The following H2BC12 variants were observed in gnomAD, a reference collection of about 807,000 sequenced individuals.
The protein encoded by H2BC12 is H2B clustered histone 12.
A neutral mutation model predicts 6.3 loss-of-function variants in H2BC12; 6 were observed. The ratio of observed to expected loss-of-function variants is 0.95; its 90% CI spans 0.52 to 1.87. The LOEUF (loss-of-function observed/expected upper bound fraction) is 1.87. Ranked by LOEUF, H2BC12 falls within the 40% of genes most tolerant of loss-of-function variation. The pLI, the probability that H2BC12 is intolerant of heterozygous loss-of-function variation, is 0.01. For missense variants in H2BC12, 119 were observed against 178.4 expected (o/e 0.67, Z 1.90); for synonymous variants, 132 against 78.5 (o/e 1.68, Z -3.60).
downstream of H2BC12, among the ~76,000 whole-genome samples, chr6:27,145,295 TACACACACACACACACACACACACACAC>T (rs57882884): frequency 1.1e-4 from 15 of 142,724 alleles, no homozygotes; most frequent in South Asian, 2.7e-3. Flanking sequence ...ATATGTTAAA[TACACACACACACACACACACACACACAC>T]ACACACACAC....
downstream of H2BC12, among the ~76,000 whole-genome samples, chr6:27,142,478 G>A (rs781419767): frequency 6.6e-6 from 1 of 151,552 alleles, no homozygotes; most frequent in Non-Finnish European, 1.5e-5. Flanking sequence ...TGGCCAGGCT[G>A]GTCTTGAACT....
downstream of H2BC12, among the ~76,000 whole-genome samples, chr6:27,143,183 C>T (rs1008901546): frequency 6.6e-6 from 1 of 151,900 alleles, no homozygotes. Flanking sequence ...GAAATCCCAT[C>T]TCTACTAAAA....
chr6:27,138,719 G>A, the H2BC12 span: 1 of 152,138 alleles, frequency 6.6e-6, no homozygotes, highest in Admixed American at 6.5e-5. Flanking sequence ...AAGTTAGAGG[G>A]ACCTTGATTC....
rs777081728 is a variant in H2BC12, at chr6:27,146,843, A to C, written c.-45T>G. 2 of 1,600,574 alleles carry C rather than the reference A, an allele frequency of 1.2e-6. No individual in the cohort carries two copies. Among genetic ancestry groups the C allele is most frequent in the Non-Finnish European group, 1.7e-6 (2 of 1,173,834 alleles). On this transcript the variant is annotated 5_prime_UTR_variant, in exon 1 of 1. Transcript: ENST00000356950. ...CCTGAGACGAGCAGCAGATCGAGAAAACGGGAAGTAATGGGAGCAAGGTAC... is the reference window on the plus strand; with the variant it reads ...CCTGAGACGAGCAGCAGATCGAGAACACGGGAAGTAATGGGAGCAAGGTAC...
At chr6:27,143,211 G>T (rs2021278), downstream of H2BC12, among the ~76,000 whole-genome samples, 1 of 151,980 alleles carries the variant, frequency 6.6e-6, no homozygotes, top group Non-Finnish European at 1.5e-5. Context: ...AACTAGCCAG[G>T]CATGGTGGTG....
At chr6:27,145,458 T>C (rs1464857050), downstream of H2BC12, among the ~76,000 whole-genome samples, 3 of 152,134 alleles carry the variant, frequency 2.0e-5, no homozygotes, top group Non-Finnish European at 2.9e-5. Flanking sequence ...TTCACACTGC[T>C]CATCACCGGC....
rs1466927250 is a variant in H2BC12, at chr6:27,146,760, C to T, written c.39G>A (p.Lys13=). ...CCTTAGTCACGGCTTTCTTCGAGCCCTTCTTGGGCGCGGGAGCGGACTTCG... is the reference window on the plus strand; with the variant it reads ...CCTTAGTCACGGCTTTCTTCGAGCCTTTCTTGGGCGCGGGAGCGGACTTCG... ...EPAKSAPAPK[K]GSKKAVTKAQ... Residue 13 remains lysine (K), a synonymous_variant, in exon 1 of 1, where the codon AAG becomes AAA. Transcript: ENST00000356950. The T allele has an allele frequency of 5.0e-6, 8 of 1,614,212 alleles. No individual in the cohort carries two copies. The highest frequency in any genetic ancestry group is 1.1e-5 in the South Asian group (1 of 91,088).
chr6:27,146,814 C>T lies in H2BC12; in HGVS notation c.-16G>A, dbSNP rs148466700. ...GTTCCGGCATGTTGAAGGCGAACTA[C>T]GAGCCTGAGACGAGCAGCAGATCGA... On this transcript the variant is annotated 5_prime_UTR_variant, in exon 1 of 1. Coordinates refer to ENST00000356950, the MANE Select transcript of H2BC12 (RefSeq NM_001312653.2). 182 of 1,612,804 alleles carry T rather than the reference C, an allele frequency of 1.1e-4. No individual in the cohort carries two copies. Among genetic ancestry groups the T allele is most frequent in the South Asian group, 4.2e-4 (38 of 91,004 alleles).
chr6:27,139,426 C>T, the H2BC12 span: 2 of 1,614,232 alleles, frequency 1.2e-6, no homozygotes, highest in South Asian at 2.2e-5. Context: ...GCGCCTTGCT[C>T]GCCGCGGCGG....
At chr6:27,140,833 A>G in the H2BC12 span, among the ~76,000 whole-genome samples, 1 of 151,860 alleles carries the variant, frequency 6.6e-6, no homozygotes, top group Admixed American at 6.6e-5. Context: ...TGATTTGTAA[A>G]TATTCTTTAT....
rs190106120 is a variant in H2BC12 at position 27,146,637 on chromosome 6, G to A, written c.162C>T (p.Gly54=). 90 of 1,614,282 alleles carry A rather than the reference G, an allele frequency of 5.6e-5. No individual in the cohort carries two copies. In the East Asian group the frequency reaches 9.4e-4, roughly 17 times the overall value. The change falls in exon 1 of 1, where the codon GGC becomes GGT. Residue 54 remains glycine, a synonymous_variant. Transcript: ENST00000356950. The part of the protein sequence containing the change: ...KVLKQVHPDT[G]ISSKAMGIMN... The stretch of plus-strand genomic sequence containing the variant: ...TGATTCCCATGGCCTTAGAGGAGAT[G>A]CCGGTGTCGGGGTGGACCTGCTTCA...
chr6:27,142,279 CTTTTT>C (rs201977751), downstream of H2BC12, among the ~76,000 whole-genome samples: 1 of 151,308 alleles, frequency 6.6e-6, no homozygotes, highest in East Asian at 1.9e-4. Context: ...ACTTTTTTAA[CTTTTT>C]TTTTGGAGAC....
chr6:27,139,309 A>G, the H2BC12 span: 1 of 1,602,728 alleles, frequency 6.2e-7, no homozygotes, highest in East Asian at 2.2e-5. Context: ...CCACTTGATA[A>G]TGTCAGGACG....
chr6:27,146,266 T>C, downstream of H2BC12: 1 of 1,291,750 alleles, frequency 7.7e-7, no homozygotes, highest in Non-Finnish European at 1.1e-6. Flanking sequence ...CATGCATTAC[T>C]CAGTGTGATA....
downstream of H2BC12, among the ~76,000 whole-genome samples, chr6:27,144,987 G>T (rs1237284280): frequency 1.3e-5 from 2 of 152,052 alleles, no homozygotes; most frequent in African/African-American, 4.8e-5. Flanking sequence ...TAGAGACGGG[G>T]TTTCACACTA....
chr6:27,141,740 C>CAATGTAACA (rs1263062244), downstream of H2BC12, among the ~76,000 whole-genome samples: 1 of 152,168 alleles, frequency 6.6e-6, no homozygotes, highest in Non-Finnish European at 1.5e-5. Context: ...AAATCTGCAG[C>CAATGTAACA]AATGTAACAC....
chr6:27,142,437 T>C (rs899035160), downstream of H2BC12, among the ~76,000 whole-genome samples: 7 of 151,458 alleles, frequency 4.6e-5, no homozygotes, highest in African/African-American at 1.7e-4. Flanking sequence ...CACGCCAGGC[T>C]AATTTTTTTG....
the H2BC12 span, chr6:27,139,642 A>G: frequency 6.3e-7 from 1 of 1,587,936 alleles, no homozygotes; most frequent in Non-Finnish European, 8.6e-7. Flanking sequence ...AAGCCCAGTC[A>G]TTCTCTAAAA....
At chr6:27,146,156 G>A (rs140001930), downstream of H2BC12, among the ~76,000 whole-genome samples, 427 of 152,294 alleles carry the variant, frequency 2.8e-3, 2 homozygotes, top group African/African-American at 9.9e-3. Context: ...GTTAACACAA[G>A]TTTCCTGCAC....
Sources: gnomAD v4.1 joint callset for allele counts (sites outside exome capture counted in the v4.1 genomes callset) on GRCh38, gnomAD v4.1.1 for gene constraint, MANE v1.5 for transcripts, NCBI Gene and HGNC (gene_info 2026-07-23, HGNC 2026-07-21) for gene names.